C2CD5: variants seen among roughly 807,000 people sequenced by gnomAD.
C2CD5 encodes C2 calcium dependent domain containing 5.
C2CD5 carries 109 observed loss-of-function variants against 130.3 expected under a neutral mutation model. The ratio of observed to expected loss-of-function variants is 0.84; its 90% confidence interval spans 0.72 to 0.98. C2CD5 has a LOEUF of 0.98. Ranked by LOEUF, C2CD5 falls within the 50% of genes least tolerant of loss-of-function variation. The probability of loss-of-function intolerance (pLI) is 0.00; values close to 1 mark genes in which losing one functional copy is unlikely to be tolerated. For synonymous variants in C2CD5, 454 were observed against 429.2 expected (o/e 1.06, Z -0.71); for missense variants, 996 against 1,261.8 (o/e 0.79, Z 3.19).
At chr12:22,464,326 T>C (rs937793860) in intron 22 of C2CD5, among the ~76,000 whole-genome samples, 1 of 152,218 alleles carries the variant, frequency 6.6e-6, no homozygotes, top group African/African-American at 2.4e-5. Flanking sequence ...AATCCCCTTC[T>C]TACATTTTCC....
chr12:22,487,273 A>G (rs1261326237), intron 12 of C2CD5, among the ~76,000 whole-genome samples: 2 of 152,200 alleles, frequency 1.3e-5, no homozygotes, highest in Non-Finnish European at 2.9e-5. Flanking sequence ...CAGGCAACCT[A>G]CAGAATGGGA....
chr12:22,457,272 C>G, intron 24 of C2CD5, 111 bp from the exon 25 acceptor site: 1 of 627,522 alleles, frequency 1.6e-6, no homozygotes, highest in Non-Finnish European at 2.6e-6. Flanking sequence ...TGAGGCTAAG[C>G]CATGTCATGA....
At chr12:22,522,822 G>A (rs2137019938) in intron 7 of C2CD5, among the ~76,000 whole-genome samples, 1 of 152,214 alleles carries the variant, frequency 6.6e-6, no homozygotes, top group Non-Finnish European at 1.5e-5. Flanking sequence ...AAAATAAAAT[G>A]CCACACAATG....
intron 2 of C2CD5, among the ~76,000 whole-genome samples, chr12:22,537,506 CTT>C (rs1282978586): frequency 6.6e-6 from 1 of 152,142 alleles, no homozygotes; most frequent in Non-Finnish European, 1.5e-5. Context: ...TTCACTTAGT[CTT>C]AATTTAATTA....
intron 12 of C2CD5, 113 bp from the exon 13 acceptor site, chr12:22,485,001 TCTA>T (rs1945282073): frequency 1.1e-5 from 5 of 459,602 alleles, no homozygotes; most frequent in African/African-American, 2.0e-5. Flanking sequence ...CTATCCAACT[TCTA>T]CTGCTGTAGG....
rs1325463085 is a variant in C2CD5, at chr12:22,509,064, G to C, written c.1039-2245C>G. On this transcript the variant is annotated intron_variant, in intron 9 of 26. Transcript: ENST00000446597. Reference sequence around the variant, plus strand: ...GCTAATTTTTTGTATTTTTTTAGTAGAGACGGGGTTTCACCTTGTTAGCCA... The same window carrying C: ...GCTAATTTTTTGTATTTTTTTAGTACAGACGGGGTTTCACCTTGTTAGCCA... Among the ~76,000 whole-genome samples, 5 of 151,334 alleles carry C rather than the reference G, an allele frequency of 3.3e-5. No individual in the cohort carries two copies. The East Asian group carries it at 5.8e-4, about 18-fold the overall frequency.
chr12:22,516,509 T>C (rs1210083807), intron 8 of C2CD5, among the ~76,000 whole-genome samples: 4 of 151,388 alleles, frequency 2.6e-5, no homozygotes, highest in African/African-American at 7.3e-5. Context: ...GACAAGTTCA[T>C]TGATATTTAT....
intron 2 of C2CD5, among the ~76,000 whole-genome samples, chr12:22,539,917 G>A (rs1952186381): frequency 7.4e-6 from 1 of 135,756 alleles, no homozygotes; most frequent in South Asian, 2.1e-4. Context: ...GCTTGAACCT[G>A]AGAGGCAGAG....
intron 12 of C2CD5, 126 bp from the exon 13 acceptor site, chr12:22,485,014 G>A (rs899317403): frequency 9.2e-6 from 4 of 436,520 alleles, no homozygotes; most frequent in African/African-American, 6.1e-5. Flanking sequence ...ACTGCTGTAG[G>A]CTACAAAAGT....
At chr12:22,459,029 T>C (rs1473754149) in intron 23 of C2CD5, among the ~76,000 whole-genome samples, 4 of 152,244 alleles carry the variant, frequency 2.6e-5, no homozygotes, top group Admixed American at 1.3e-4. Context: ...TGTTGAAGAA[T>C]ATATTTTTAA....
At chr12:22,530,956 G>A (rs2074133901) in intron 3 of C2CD5, among the ~76,000 whole-genome samples, 1 of 151,892 alleles carries the variant, frequency 6.6e-6, no homozygotes, top group Admixed American at 6.6e-5. Flanking sequence ...GACACATGAA[G>A]CTTGCCTCCT....
At chr12:22,497,029 T>C (rs1437391940) in intron 10 of C2CD5, among the ~76,000 whole-genome samples, 1 of 152,102 alleles carries the variant, frequency 6.6e-6, no homozygotes, top group Non-Finnish European at 1.5e-5. Context: ...AATAACAATG[T>C]GAACAACTCA....
At chr12:22,491,254 G>A (rs1946311030) in intron 11 of C2CD5, among the ~76,000 whole-genome samples, 2 of 152,172 alleles carry the variant, frequency 1.3e-5, no homozygotes, top group South Asian at 4.1e-4. Context: ...CTCATTTGCA[G>A]ACTCCTCCAT....
chr12:22,513,474 G>A, intron 8 of C2CD5, 95 bp from the exon 9 acceptor site: 1 of 796,582 alleles, frequency 1.3e-6, no homozygotes, highest in Non-Finnish European at 2.2e-6. Context: ...GAGTTGAAAT[G>A]TGATAAAATG....
intron 10 of C2CD5, 94 bp from the exon 11 acceptor site, chr12:22,493,431 G>C: frequency 1.6e-6 from 1 of 634,526 alleles, no homozygotes. Context: ...GGGAAGTAAA[G>C]AAGTTTTATT....
chr12:22,477,390 C>T (rs1943996780), intron 15 of C2CD5: 1 of 152,128 alleles, frequency 6.6e-6, no homozygotes, highest in African/African-American at 2.4e-5. Flanking sequence ...AACAACTATG[C>T]TAGAATAATA....
intron 25 of C2CD5, among the ~76,000 whole-genome samples, chr12:22,456,572 C>T (rs1340695027): frequency 2.0e-5 from 3 of 152,274 alleles, no homozygotes; most frequent in African/African-American, 7.2e-5. Flanking sequence ...GAGGAAGAAA[C>T]AGCAGAGCTA....
rs1305634628 is a variant in C2CD5, at chr12:22,472,360, A to G, written c.2108-13T>C. ...CAACTATAAAAGCCTGTCAAAATAA[A>G]TTGTAATCAAAATATATGATAATAT... On this transcript the variant is annotated splice_polypyrimidine_tract_variant and intron_variant, in intron 17 of 26. Transcript: ENST00000446597. 1 of 1,252,836 alleles carries G rather than the reference A, an allele frequency of 8.0e-7. No individual in the cohort carries two copies. The highest frequency in any genetic ancestry group is 1.1e-6 in the Non-Finnish European group (1 of 881,966). The allele number at this position is 1,252,836 out of a possible 1,614,324, so 77.6% of individuals were successfully genotyped here.
chr12:22,470,360 G>T (rs1404821645), intron 21 of C2CD5, among the ~76,000 whole-genome samples: 1 of 151,984 alleles, frequency 6.6e-6, no homozygotes, highest in African/African-American at 2.4e-5. Context: ...CAATAATTTG[G>T]ATTTCTTCAG....
Sources: allele counts gnomAD v4.1 joint callset (sites outside exome capture counted in the v4.1 genomes callset), GRCh38; gene constraint gnomAD v4.1.1; transcripts MANE v1.5; gene names NCBI Gene and HGNC (gene_info 2026-07-23, HGNC 2026-07-21).